The following MYO15B variants were observed in gnomAD, a reference collection of about 807,000 sequenced individuals.
MYO15B encodes myosin XVB pseudogene.
In MYO15B, 207 loss-of-function variants were observed where a neutral mutation model predicts 119.3. That is an observed-to-expected ratio of 1.73 (90% CI 1.55 to 1.95). The LOEUF (loss-of-function observed/expected upper bound fraction) is 1.95, where lower values mean the gene tolerates loss of function less well. Ranked by LOEUF, MYO15B falls within the 30% of genes most tolerant of loss-of-function variation. The pLI, the probability that MYO15B is intolerant of heterozygous loss-of-function variation, is 0.00. For synonymous variants in MYO15B, 966 were observed against 498.9 expected, an observed-to-expected ratio of 1.94 and a Z score of -12.48; for missense variants, 2,264 against 1,203.1, an observed-to-expected ratio of 1.88 and a Z score of -13.04.
intron 33 of MYO15B, 53 bp downstream of exon 33, chr17:75,615,095 A>C: frequency 1.4e-6 from 1 of 692,916 alleles, no homozygotes; most frequent in Admixed American, 2.0e-5. Flanking sequence ...GCAGCATGGC[A>C]GGCATGGCCT....
chr17:75,592,343 G>A, intron 7 of MYO15B, 42 bp downstream of exon 7: 1 of 702,104 alleles, frequency 1.4e-6, no homozygotes, highest in Non-Finnish European at 2.6e-6. Context: ...AGTTCCCAGA[G>A]TAGGAAGGGC....
At chr17:75,624,408 G>C (rs761895490) in exon 57 of MYO15B, 7 of 702,314 alleles carry the variant, frequency 1.0e-5, no homozygotes, top group East Asian at 2.7e-5. Context: ...TTCACCTGCC[G>C]GGGGGTGTGG....
At chr17:75,619,006 C>G (rs2058543447) in intron 43 of MYO15B, 137 bp from the exon 44 acceptor site, 1 of 639,584 alleles carries the variant, frequency 1.6e-6, no homozygotes, top group Non-Finnish European at 2.8e-6. Context: ...CCTAGGCCCT[C>G]TGCTGAGCAC....
rs938694869 is a variant in MYO15B, at chr17:75,624,532, C to T, written c.8446-11C>T. 2 of 703,002 alleles carry T rather than the reference C, an allele frequency of 2.8e-6. No individual in the cohort carries two copies. The highest frequency in any genetic ancestry group is 5.2e-6 in the Non-Finnish European group (2 of 385,020). 43.5% of individuals were successfully genotyped at this position (703,002 alleles called of 1,614,324 possible). ...TCCCTCCCCCTCATCACAGTCTGTC[C>T]ACATGCCCAGGTAGCAGCAGAAGTG... is the stretch of plus-strand genomic sequence containing the variant. On this transcript the variant is annotated splice_polypyrimidine_tract_variant and intron_variant, in intron 57 of 63. Coordinates refer to ENST00000645453, the Ensembl canonical transcript of MYO15B.
At chr17:75,610,502 G>A (rs1188765255) in intron 22 of MYO15B, among the ~76,000 whole-genome samples, 1 of 152,160 alleles carries the variant, frequency 6.6e-6, no homozygotes, top group East Asian at 1.9e-4. Context: ...CCTCTTGCCT[G>A]GGGTTCCCAT....
At position 75,621,490 on chromosome 17, in the gene MYO15B, T is replaced by C; in HGVS notation, c.7936-11T>C. The C allele has an allele frequency of 1.4e-6, 1 of 701,528 alleles. No homozygotes were observed. Among genetic ancestry groups the C allele is most frequent in the Non-Finnish European group, 2.6e-6 (1 of 383,802 alleles). The allele number at this position is 701,528 out of a possible 1,614,324, so 43.5% of individuals were successfully genotyped here. The stretch of plus-strand genomic sequence containing the variant: ...CCCCCCAGACCCATGGCCTCCTCTC[T>C]TTGGCCACAGGCTCCCATCCAGGAG... On this transcript the variant is annotated splice_polypyrimidine_tract_variant and intron_variant, in intron 51 of 63. Transcript: ENST00000645453.
At position 75,601,482 on chromosome 17, in the gene MYO15B, T is replaced by C. The variant is rs1002604324; in HGVS notation, c.3570T>C (p.Gly1190=). 5 of 702,956 alleles carry C rather than the reference T, an allele frequency of 7.1e-6. No homozygotes were observed. The African/African-American group carries it at 8.7e-5, about 12-fold the overall frequency. 43.5% of individuals were successfully genotyped at this position (702,956 alleles called of 1,614,324 possible). A position where few individuals can be genotyped will look rare whatever the true frequency, so the allele number is the denominator to read the frequency against. Residue 1190 remains glycine, a synonymous_variant, in exon 15 of 64, where the codon GGT becomes GGC. Coordinates refer to ENST00000645453, the Ensembl canonical transcript of MYO15B. ...TCCAGAAGAGCCACTATCACCATGGTGACCACCCCAGCTATGCCAAGCCCC... is the reference window on the plus strand; with the variant it reads ...TCCAGAAGAGCCACTATCACCATGGCGACCACCCCAGCTATGCCAAGCCCC...
At position 75,617,073 on chromosome 17, in the gene MYO15B, G is replaced by A. The variant is rs139318776; in HGVS notation, c.6595-12G>A. 6.1e-3 allele frequency: 4,152 copies of A among 683,772 alleles called. 10 individuals are homozygous for A. The highest frequency in any genetic ancestry group is 8.4e-3 in the Non-Finnish European group (3,124 of 372,076). 42.4% of individuals were successfully genotyped at this position (683,772 alleles called of 1,614,324 possible). A position where few individuals can be genotyped will look rare whatever the true frequency, so the allele number is the denominator to read the frequency against. Reference sequence around the variant, plus strand: ...GTGACTCAGCCCGTGTACTTTCTCCGTATCCCCCCAGATGCTGTCCCCCAG... The same window carrying A: ...GTGACTCAGCCCGTGTACTTTCTCCATATCCCCCCAGATGCTGTCCCCCAG... On this transcript the variant is annotated splice_polypyrimidine_tract_variant and intron_variant, in intron 40 of 63. Transcript: ENST00000645453.
Position 75,589,505 on chromosome 17 carries a change from G to C in MYO15B, c.1448G>C (p.Gly483Ala). The change falls in exon 1 of 64, where the codon GGG becomes GCG. Residue 483 changes from glycine (G) to alanine (A), a missense_variant. By Grantham distance (60) the Gly-to-Ala change is moderately conservative (BLOSUM62 0). Transcript: ENST00000645453. The surrounding 1 kb of genome is among the most constrained non-coding windows in gnomAD (Gnocchi z 4.2). ...GACGAGGGCCGGGACCACCAGAGAG[G>C]GTACGAGGGGTGGGGCCGTGAGCCC... The C allele has an allele frequency of 2.5e-6, 1 of 398,228 alleles. No homozygotes were observed. Among genetic ancestry groups the C allele is most frequent in the African/African-American group, 2.1e-5 (1 of 48,538 alleles). 24.7% of individuals were successfully genotyped at this position (398,228 alleles called of 1,614,324 possible).
exon 33 of MYO15B, chr17:75,615,023 A>G: frequency 1.4e-6 from 1 of 702,942 alleles, no homozygotes; most frequent in South Asian, 1.5e-5. Context: ...TTGGGCCCAC[A>G]CAGCAGGGCT....
At chr17:75,622,226 A>G (rs201614252) in intron 53 of MYO15B, 146 bp downstream of exon 53, 1 of 625,046 alleles carries the variant, frequency 1.6e-6, no homozygotes, top group Non-Finnish European at 2.9e-6. Flanking sequence ...TGTGGCTGTG[A>G]AGCCAACAGG....
chr17:75,611,719 T>C (rs1475000970), intron 24 of MYO15B, 61 bp downstream of exon 24: 2 of 701,678 alleles, frequency 2.9e-6, no homozygotes, highest in Non-Finnish European at 5.2e-6. Context: ...CTGTGGGGTG[T>C]GTCTGTCCCT....
intron 21 of MYO15B, 92 bp downstream of exon 21, chr17:75,606,113 GC>G: frequency 1.7e-6 from 1 of 596,394 alleles, no homozygotes; most frequent in South Asian, 1.9e-5. Flanking sequence ...GAAACATAGG[GC>G]CTCAAGGCAA....
intron 16 of MYO15B, 46 bp downstream of exon 16, chr17:75,602,640 C>T: frequency 3.2e-6 from 2 of 625,366 alleles, no homozygotes; most frequent in Non-Finnish European, 5.7e-6. Context: ...ATACTCTGTC[C>T]CCCAATTCTG....
At chr17:75,624,176 G>C in exon 56 of MYO15B, 1 of 702,996 alleles carries the variant, frequency 1.4e-6, no homozygotes, top group Non-Finnish European at 2.6e-6. Flanking sequence ...TCTCTGCAGA[G>C]CTGGCCCGGA....
At chr17:75,625,716 AT>A in intron 61 of MYO15B, 56 bp downstream of exon 61, 1 of 701,706 alleles carries the variant, frequency 1.4e-6, no homozygotes, top group Non-Finnish European at 2.6e-6. Flanking sequence ...GAGGGAAGGA[AT>A]GCAGGTAGAG....
In MYO15B at chr17:75,618,695, A is replaced by T. The variant is rs540545694; in HGVS notation, c.6988-448A>T. Among the ~76,000 whole-genome samples, 17 of 152,362 alleles carry T rather than the reference A, an allele frequency of 1.1e-4. No individual in the cohort carries two copies. In the East Asian group the frequency reaches 3.3e-3, roughly 29 times the overall value. On this transcript the variant is annotated intron_variant, in intron 43 of 63. Coordinates refer to ENST00000645453, the Ensembl canonical transcript of MYO15B. ...CCATTATTCATCTAGTTTTATAGAT[A>T]AAGTTTAAAAGCAAAGTGCGTACAG...
chr17:75,592,067 C>T, exon 6 of MYO15B: 2 of 702,914 alleles, frequency 2.8e-6, no homozygotes, highest in Non-Finnish European at 5.2e-6. Flanking sequence ...GGTCTTCTGC[C>T]TCTACCTACA....
chr17:75,626,620 C>A, exon 64 of MYO15B: 1 of 636,878 alleles, frequency 1.6e-6, no homozygotes. Flanking sequence ...CACATGCAGG[C>A]CATGAGGCAG....
Sources: gnomAD v4.1 joint callset for allele counts (sites outside exome capture counted in the v4.1 genomes callset) on GRCh38, gnomAD v4.1.1 for gene constraint, Gnocchi (gnomAD v3.1) non-coding constraint, MANE v1.5 for transcripts, NCBI Gene and HGNC (gene_info 2026-07-23, HGNC 2026-07-21) for gene names.